Variants in SGK1 observed in about 807,000 individuals in gnomAD.
SGK1 encodes serine/threonine-protein kinase Sgk1.
In SGK1, 26 loss-of-function variants were observed where a neutral mutation model predicts 64.2. The observed-to-expected ratio is 0.40, with a 90% CI of 0.30 to 0.56. The LOEUF is 0.56. Among genes scored for constraint, SGK1 ranks in the 20% least tolerant of loss-of-function variants. The pLI is 0.38. For missense variants in SGK1, 519 were observed against 645.6 expected, an observed-to-expected ratio of 0.80 and a Z score of 2.12; for synonymous variants, 265 against 239.7, an observed-to-expected ratio of 1.11 and a Z score of -0.98.
At chr6:134,183,613 C>G (rs1005025694) in intron 3 of SGK1, among the ~76,000 whole-genome samples, 3 of 152,086 alleles carry the variant, frequency 2.0e-5, no homozygotes, top group African/African-American at 7.2e-5. Context: ...CCCCGCTATG[C>G]CTTAATGTCA....
intron 2 of SGK1, among the ~76,000 whole-genome samples, chr6:134,235,569 A>T (rs1300943373): frequency 6.7e-6 from 1 of 149,042 alleles, no homozygotes; most frequent in Non-Finnish European, 1.5e-5. Flanking sequence ...TTATTTATTT[A>T]TTTATTTATT....
chr6:134,173,385 T>C, intron 6 of SGK1, 28 bp from the exon 7 acceptor site: 1 of 1,598,452 alleles, frequency 6.3e-7, no homozygotes, highest in Non-Finnish European at 8.6e-7. Flanking sequence ...AAAAATCATT[T>C]TTCTATCCTC....
intron 2 of SGK1, among the ~76,000 whole-genome samples, chr6:134,236,835 C>T (rs1776371608): frequency 6.9e-6 from 1 of 144,750 alleles, no homozygotes; most frequent in African/African-American, 2.8e-5. Flanking sequence ...CAATTCTCCC[C>T]TTCTCAAAAA....
chr6:134,266,632 C>A (rs566785777), intron 1 of SGK1, among the ~76,000 whole-genome samples: 2 of 152,178 alleles, frequency 1.3e-5, no homozygotes, highest in East Asian at 3.9e-4. Context: ...AATAAAATAT[C>A]TTTTTGAGTT....
Position 134,298,684 on chromosome 6 carries a change from C to A in SGK1, c.69+18708G>T, listed in dbSNP as rs187503478. The A allele has an allele frequency of 4.6e-5, 55 of 1,206,634 alleles. 1 individual carries two copies. The African/African-American group carries it at 6.8e-4, about 15-fold the overall frequency. The allele number at this position is 1,206,634 out of a possible 1,614,324, so 74.7% of individuals were successfully genotyped here. On this transcript the variant is annotated intron_variant, in intron 1 of 13. Coordinates refer to ENST00000367858, the MANE Select transcript of SGK1 (RefSeq NM_001143676.3). ...GACAACTTGTAGGACTTCTGGGTCA[C>A]CCTGATGGACATGGTGGAGGCAGGA...
At chr6:134,221,174 G>T (rs1288769115) in intron 2 of SGK1, among the ~76,000 whole-genome samples, 2 of 151,376 alleles carry the variant, frequency 1.3e-5, no homozygotes, top group African/African-American at 2.4e-5. Flanking sequence ...CGTGGTAGTG[G>T]GCTCCTGTAA....
chr6:134,250,099 A>G (rs1015816424), intron 2 of SGK1, among the ~76,000 whole-genome samples: 2 of 152,226 alleles, frequency 1.3e-5, no homozygotes, highest in Non-Finnish European at 2.9e-5. Flanking sequence ...TCATTTTAAA[A>G]TCAAGTCAAA....
chr6:134,179,829 A>G (rs1352871270), intron 3 of SGK1, among the ~76,000 whole-genome samples: 3 of 152,236 alleles, frequency 2.0e-5, no homozygotes, highest in Non-Finnish European at 4.4e-5. Context: ...AAGTGAGCCC[A>G]TAGGAAAATT....
chr6:134,195,473 C>T (rs975267367), intron 3 of SGK1, among the ~76,000 whole-genome samples: 4 of 152,162 alleles, frequency 2.6e-5, no homozygotes, highest in Non-Finnish European at 5.9e-5. Context: ...GGCACTAGGA[C>T]AGTTGTGAGG....
chr6:134,232,363 C>T (rs141496247), intron 2 of SGK1, among the ~76,000 whole-genome samples: 1,946 of 137,278 alleles, frequency 0.014, 40 homozygotes, highest in African/African-American at 0.052. Flanking sequence ...CTAGCCTGGG[C>T]GATAGAGCAA....
chr6:134,245,805 A>T (rs1776516866), intron 2 of SGK1, among the ~76,000 whole-genome samples: 1 of 152,250 alleles, frequency 6.6e-6, no homozygotes. Context: ...AGCCCAGGCA[A>T]CATAGTGAGA....
At chr6:134,236,187 G>A (rs887352218) in intron 2 of SGK1, among the ~76,000 whole-genome samples, 26 of 152,268 alleles carry the variant, frequency 1.7e-4, no homozygotes, top group Non-Finnish European at 3.2e-4. Flanking sequence ...GGGGATTCCA[G>A]GAACTAGAAT....
At chr6:134,283,883 A>ACC (rs1777138797) in intron 1 of SGK1, among the ~76,000 whole-genome samples, 1 of 143,160 alleles carries the variant, frequency 7.0e-6, no homozygotes, top group Admixed American at 6.9e-5. Flanking sequence ...CAAAAAAAAA[A>ACC]AAAAAAAAAA....
intron 1 of SGK1, among the ~76,000 whole-genome samples, chr6:134,301,458 A>G (rs1411714226): frequency 6.6e-6 from 1 of 152,174 alleles, no homozygotes; most frequent in Non-Finnish European, 1.5e-5. Flanking sequence ...GGGCCACAGA[A>G]GCCACAACTG....
At chr6:134,242,727 A>G (rs1218601899) in intron 2 of SGK1, among the ~76,000 whole-genome samples, 2 of 151,990 alleles carry the variant, frequency 1.3e-5, no homozygotes, top group Non-Finnish European at 2.9e-5. Flanking sequence ...GGCTTCCCCA[A>G]GTGTTGGGAT....
intron 1 of SGK1, among the ~76,000 whole-genome samples, chr6:134,298,910 C>T (rs930021018): frequency 1.3e-5 from 2 of 151,884 alleles, no homozygotes; most frequent in African/African-American, 4.8e-5. Flanking sequence ...ATGTGATTCT[C>T]CTGCCTCAGC....
intron 1 of SGK1, among the ~76,000 whole-genome samples, chr6:134,266,832 A>G (rs944822522): frequency 6.6e-6 from 1 of 152,192 alleles, no homozygotes; most frequent in African/African-American, 2.4e-5. Context: ...GTTTTTGATC[A>G]GTCTAAAAAG....
intron 1 of SGK1, among the ~76,000 whole-genome samples, chr6:134,273,383 G>A (rs913567703): frequency 3.4e-5 from 5 of 146,810 alleles, no homozygotes; most frequent in African/African-American, 1.2e-4. Context: ...GAGGTCAGGA[G>A]ATCGAAACCA....
At chr6:134,207,025 A>G (rs879618977) in intron 3 of SGK1, among the ~76,000 whole-genome samples, 17 of 152,070 alleles carry the variant, frequency 1.1e-4, no homozygotes, top group African/African-American at 3.4e-4. Flanking sequence ...GGAGATCGAG[A>G]CCATCCTGGC....
Sources: allele counts gnomAD v4.1 joint callset (sites outside exome capture counted in the v4.1 genomes callset), GRCh38; gene constraint gnomAD v4.1.1; transcripts MANE v1.5; gene names NCBI Gene and HGNC (gene_info 2026-07-23, HGNC 2026-07-21).